GON4L: variants seen among roughly 807,000 people sequenced by gnomAD.
The protein encoded by GON4L is gon-4 like, also known as GON-4-like protein.
GON4L carries 87 observed loss-of-function variants against 211.8 expected under a neutral mutation model. The observed-to-expected ratio is 0.41, with a 90% confidence interval of 0.35 to 0.49. The LOEUF is 0.49. Among genes scored for constraint, GON4L ranks in the 20% least tolerant of loss-of-function variants. GON4L has a pLI of 0.15. For synonymous variants in GON4L, 875 were observed against 962.6 expected (o/e 0.91, Z 1.68); for missense variants, 2,155 against 2,659.5 (o/e 0.81, Z 4.17).
chr1:155,845,271 G>T (rs1268375758), intron 2 of GON4L: 1 of 163,398 alleles, frequency 6.1e-6, no homozygotes, highest in Non-Finnish European at 1.3e-5. Flanking sequence ...GTGACATTCG[G>T]TTGCTCTCAC....
chr1:155,787,131 C>T (rs950679832), intron 12 of GON4L, among the ~76,000 whole-genome samples: 14 of 151,384 alleles, frequency 9.2e-5, no homozygotes, highest in Admixed American at 2.6e-4. Context: ...ACCATGGTCT[C>T]GATCTCCTGA....
Position 155,781,453 on chromosome 1 carries a change from ATTATT to A in GON4L, c.1892+2528_1892+2532del, listed in dbSNP as rs1664417729. On this transcript the variant is annotated intron_variant, in intron 14 of 31. Transcript: ENST00000368331. Reference sequence around the variant, plus strand: ...CAGCCACCACGCCTGATCTATAATTATTATTATTATTATTATTATTATTTTTTGAG... The same window carrying A: ...CAGCCACCACGCCTGATCTATAATTAATTATTATTATTATTATTTTTTGAG... 7.0e-3 allele frequency among the ~76,000 whole-genome samples: 5 copies of A among 710 alleles called. No individual in the cohort carries two copies. The Non-Finnish European group carries it at 0.21, about 30-fold the overall frequency. The allele number at this position is 710 out of a possible 152,430, so 0.5% of individuals were successfully genotyped here. A position where few individuals can be genotyped will look rare whatever the true frequency, so the allele number is the denominator to read the frequency against.
chr1:155,763,978 G>A (rs368204991), intron 21 of GON4L, among the ~76,000 whole-genome samples: 9 of 150,494 alleles, frequency 6.0e-5, no homozygotes, highest in Admixed American at 3.3e-4. Context: ...ACTCCAATCC[G>A]GGAGACAGAG....
intron 11 of GON4L, among the ~76,000 whole-genome samples, chr1:155,802,740 G>C (rs566108756): frequency 6.6e-6 from 1 of 152,340 alleles, no homozygotes; most frequent in South Asian, 2.1e-4. Context: ...AGGATCGCTT[G>C]AGCGCAGGAG....
Position 155,751,764 on chromosome 1 carries a change from T to A in GON4L, c.6576+3A>T. 1 of 1,604,564 alleles carries A rather than the reference T, an allele frequency of 6.2e-7. No individual in the cohort carries two copies. The highest frequency in any genetic ancestry group is 2.2e-5 in the East Asian group (1 of 44,814). On this transcript the variant is annotated splice_donor_region_variant and intron_variant, in intron 31 of 31. Coordinates refer to ENST00000368331, the MANE Select transcript of GON4L (RefSeq NM_001282860.2). ...CCAGGTCTTCACCCCAACCCGCACC[T>A]ACCTCAGCAGGGGTCTTATTTCCCA...
At chr1:155,827,209 G>A (rs1669291807) in intron 2 of GON4L, among the ~76,000 whole-genome samples, 181 bp from the exon 3 acceptor site, 1 of 152,118 alleles carries the variant, frequency 6.6e-6, no homozygotes, top group Non-Finnish European at 1.5e-5. Flanking sequence ...TGTAAACTCA[G>A]GGAGTTAAAC....
chr1:155,750,508 A>G lies in GON4L; in HGVS notation c.*76T>C, dbSNP rs1357369993. On this transcript the variant is annotated 3_prime_UTR_variant, in exon 32 of 32. Transcript: ENST00000368331. ...GTAAACTGGGCTCAAGGACTGTACA[A>G]GCAGAGTACAACTACCCCCTCCCCG... 74 of 1,303,458 alleles carry G rather than the reference A, an allele frequency of 5.7e-5. No homozygotes were observed. Among genetic ancestry groups the G allele is most frequent in the Non-Finnish European group, 8.1e-5 (73 of 902,258 alleles). 80.7% of individuals were successfully genotyped at this position (1,303,458 alleles called of 1,614,324 possible). A position where few individuals can be genotyped will look rare whatever the true frequency, so the allele number is the denominator to read the frequency against.
At chr1:155,747,996 A>C (rs571449860), downstream of GON4L, 18 of 1,598,266 alleles carry the variant, frequency 1.1e-5, no homozygotes, top group African/African-American at 2.7e-5. Context: ...AGAAACATCT[A>C]TCGTCTATTA....
intron 11 of GON4L, among the ~76,000 whole-genome samples, chr1:155,798,941 A>C (rs908808793): frequency 2.6e-5 from 4 of 152,142 alleles, no homozygotes; most frequent in Non-Finnish European, 4.4e-5. Flanking sequence ...AGTTCTGCTT[A>C]GCTTTTAGTA....
At chr1:155,822,008 T>C (rs1164501221) in intron 4 of GON4L, among the ~76,000 whole-genome samples, 1 of 152,208 alleles carries the variant, frequency 6.6e-6, no homozygotes, top group Non-Finnish European at 1.5e-5. Context: ...ACATTGAATC[T>C]ACTAAACAAT....
chr1:155,833,532 G>A (rs1222757731), intron 2 of GON4L, among the ~76,000 whole-genome samples: 2 of 148,752 alleles, frequency 1.3e-5, no homozygotes, highest in African/African-American at 5.0e-5. Context: ...TGTAGTCCCA[G>A]CTACTCGGGA....
chr1:155,799,420 G>GT (rs1666416102), intron 11 of GON4L, among the ~76,000 whole-genome samples: 1 of 152,154 alleles, frequency 6.6e-6, no homozygotes, highest in Non-Finnish European at 1.5e-5. Context: ...GGTGACAAGA[G>GT]TGAGACCCTG....
chr1:155,842,870 A>G (rs1670905060), intron 2 of GON4L, among the ~76,000 whole-genome samples: 1 of 152,088 alleles, frequency 6.6e-6, no homozygotes, highest in Non-Finnish European at 1.5e-5. Context: ...GGATTCCTTG[A>G]AGATCAATTA....
intron 10 of GON4L, among the ~76,000 whole-genome samples, chr1:155,810,939 G>A (rs1432319169): frequency 2.6e-5 from 4 of 151,814 alleles, no homozygotes; most frequent in East Asian, 1.9e-4. Context: ...GCTTGAACCC[G>A]GGAGGCAGAT....
chr1:155,745,840 G>C (rs774823262), downstream of GON4L: 10 of 691,904 alleles, frequency 1.4e-5, no homozygotes, highest in Non-Finnish European at 2.2e-5. Context: ...TGGCGGGCGG[G>C]GCCCGGGAGG....
downstream of GON4L, chr1:155,747,053 C>T: frequency 3.1e-6 from 5 of 1,606,402 alleles, no homozygotes; most frequent in Non-Finnish European, 4.2e-6. Context: ...TGTGGCCAGC[C>T]AACTCAAGGA....
intron 10 of GON4L, among the ~76,000 whole-genome samples, chr1:155,806,012 T>TA (rs1667096680): frequency 7.1e-6 from 1 of 140,944 alleles, no homozygotes; most frequent in Admixed American, 7.3e-5. Flanking sequence ...TTTTAAGAGA[T>TA]AGAGTCTCAA....
intron 9 of GON4L, among the ~76,000 whole-genome samples, chr1:155,814,036 G>A (rs752126213): frequency 2.0e-5 from 3 of 152,096 alleles, no homozygotes; most frequent in Non-Finnish European, 4.4e-5. Flanking sequence ...CCAAAATGTG[G>A]GAAATTAATA....
chr1:155,830,242 CCCAG>C (rs1669627484), intron 2 of GON4L, among the ~76,000 whole-genome samples: 1 of 148,406 alleles, frequency 6.7e-6, no homozygotes, highest in Non-Finnish European at 1.5e-5. Context: ...GAGCCACGCA[CCCAG>C]CCCTGCAGGG....
Sources: allele counts gnomAD v4.1 joint callset (sites outside exome capture counted in the v4.1 genomes callset), GRCh38; gene constraint gnomAD v4.1.1; transcripts MANE v1.5; gene names NCBI Gene and HGNC (gene_info 2026-07-23, HGNC 2026-07-21).